The following PPP1R1C variants were observed in gnomAD, a reference collection of about 807,000 sequenced individuals.
PPP1R1C encodes protein phosphatase 1 regulatory subunit 1C.
A neutral mutation model predicts 17.4 loss-of-function variants in PPP1R1C; 15 were observed. That is an observed-to-expected ratio of 0.86 (90% CI 0.58 to 1.33). The LOEUF (loss-of-function observed/expected upper bound fraction) is 1.33. Ranked by LOEUF, PPP1R1C falls within the 40% of genes most tolerant of loss-of-function variation. PPP1R1C has a pLI of 0.00. For missense variants in PPP1R1C, 143 were observed against 130.0 expected (o/e 1.10, Z -0.48); for synonymous variants, 35 against 43.1 (o/e 0.81, Z 0.73).
downstream of PPP1R1C, among the ~76,000 whole-genome samples, chr2:182,119,340 A>T (rs1315039216): frequency 3.9e-5 from 6 of 151,984 alleles, no homozygotes; most frequent in African/African-American, 1.5e-4. Flanking sequence ...AGTCTTTGCT[A>T]TTGTGAATAG....
rs1274099337 is a variant in PPP1R1C at position 182,029,188 on chromosome 2, A to C, written c.143-32254A>C. 1.1e-3 allele frequency among the ~76,000 whole-genome samples: 160 copies of C among 148,424 alleles called. 1 individual carries two copies. Among genetic ancestry groups the C allele is most frequent in the African/African-American group, 3.5e-3 (140 of 39,732 alleles). On this transcript the variant is annotated intron_variant, in intron 2 of 4. Transcript: ENST00000682840. ...TCCAATTTGCCAGTCTGTGTCTTTTAATTGGAGCATTTAGTCCATTTACAT... is the reference window on the plus strand; with the variant it reads ...TCCAATTTGCCAGTCTGTGTCTTTTCATTGGAGCATTTAGTCCATTTACAT...
intron 1 of PPP1R1C, among the ~76,000 whole-genome samples, chr2:181,966,869 TGA>T (rs1684913722): frequency 6.6e-6 from 1 of 152,230 alleles, no homozygotes; most frequent in Non-Finnish European, 1.5e-5. Context: ...CAGAATAGTT[TGA>T]GTAGGATTGG....
At chr2:182,018,583 TG>T (rs1215667348) in intron 2 of PPP1R1C, among the ~76,000 whole-genome samples, 3 of 152,162 alleles carry the variant, frequency 2.0e-5, no homozygotes, top group Admixed American at 6.5e-5. Context: ...TTTAGGTGTG[TG>T]GGGACCAGAG....
rs531276127 is a variant in PPP1R1C, at chr2:181,976,622, A to G, written n.157+1358A>G. On this transcript the variant is annotated intron_variant and non_coding_transcript_variant, in intron 2 of 5. Coordinates refer to the PPP1R1C transcript ENST00000464264. The surrounding 1 kb of genome is among the most constrained non-coding windows in gnomAD (Gnocchi z 4.8). ...TATCTGTATATCTATATCTATATCTATATCTGTATCTATCTATTCCTCACT... is the reference window on the plus strand; with the variant it reads ...TATCTGTATATCTATATCTATATCTGTATCTGTATCTATCTATTCCTCACT... 2.8e-4 allele frequency among the ~76,000 whole-genome samples: 43 copies of G among 152,152 alleles called. No individual in the cohort carries two copies. In the South Asian group the frequency reaches 8.1e-3, roughly 29 times the overall value.
At chr2:182,039,916 C>G (rs1687130434) in intron 2 of PPP1R1C, among the ~76,000 whole-genome samples, 1 of 152,170 alleles carries the variant, frequency 6.6e-6, no homozygotes. Context: ...TAGTTTTATT[C>G]ATTCCTGAAT....
chr2:182,001,521 C>T (rs1559051626), intron 2 of PPP1R1C, among the ~76,000 whole-genome samples: 1 of 152,096 alleles, frequency 6.6e-6, no homozygotes, highest in Non-Finnish European at 1.5e-5. Context: ...CAGATAGTAA[C>T]CATCTCTGTC....
At chr2:181,969,596 G>A (rs1446138770) in intron 1 of PPP1R1C, among the ~76,000 whole-genome samples, 2 of 152,080 alleles carry the variant, frequency 1.3e-5, no homozygotes, top group Non-Finnish European at 2.9e-5. Flanking sequence ...TCTTATTTGA[G>A]TTAAATCTGC....
At chr2:181,984,609 A>T (rs1363730401), upstream of PPP1R1C, among the ~76,000 whole-genome samples, 2 of 152,228 alleles carry the variant, frequency 1.3e-5, no homozygotes, top group Non-Finnish European at 2.9e-5. Context: ...TCCCCTAGTG[A>T]ATATAGAAAA....
chr2:182,078,183 G>A (rs541397774), intron 4 of PPP1R1C, among the ~76,000 whole-genome samples: 1 of 152,128 alleles, frequency 6.6e-6, no homozygotes, highest in Non-Finnish European at 1.5e-5. Context: ...CCCCTTAGGA[G>A]AAAAATATGT....
At chr2:182,075,968 G>T (rs2125208478) in intron 4 of PPP1R1C, among the ~76,000 whole-genome samples, 2 of 151,526 alleles carry the variant, frequency 1.3e-5, no homozygotes, top group East Asian at 3.9e-4. Context: ...ATTTTTGTGT[G>T]GCAAAAATAA....
chr2:182,080,673 G>T (rs1224116891), intron 4 of PPP1R1C, among the ~76,000 whole-genome samples: 1 of 152,010 alleles, frequency 6.6e-6, no homozygotes, highest in African/African-American at 2.4e-5. Flanking sequence ...GCCTTATTTA[G>T]TGGCCCTGCA....
chr2:182,021,632 A>T (rs537058214), intron 2 of PPP1R1C, among the ~76,000 whole-genome samples: 25 of 152,232 alleles, frequency 1.6e-4, no homozygotes, highest in African/African-American at 6.0e-4. Flanking sequence ...GCCAAAAAAA[A>T]TGGTTATTTT....
intron 2 of PPP1R1C, among the ~76,000 whole-genome samples, chr2:182,019,692 G>C (rs763403257): frequency 2.0e-5 from 3 of 152,138 alleles, no homozygotes. Flanking sequence ...TAACAAATCA[G>C]TGGCAGAGCT....
chr2:181,978,871 T>C (rs1685144467), intron 2 of PPP1R1C, among the ~76,000 whole-genome samples: 3 of 152,104 alleles, frequency 2.0e-5, no homozygotes, highest in African/African-American at 7.2e-5. Context: ...CAAAAATAGA[T>C]ACCCCAATAC....
intron 4 of PPP1R1C, among the ~76,000 whole-genome samples, chr2:182,104,223 A>G (rs1689182713): frequency 6.6e-6 from 1 of 152,208 alleles, no homozygotes; most frequent in Admixed American, 6.5e-5. Flanking sequence ...TGCTCTAGCT[A>G]GGACTTCCAA....
intron 2 of PPP1R1C, among the ~76,000 whole-genome samples, chr2:182,044,314 C>T (rs1291946915): frequency 3.9e-5 from 6 of 152,118 alleles, no homozygotes; most frequent in Admixed American, 6.5e-5. Context: ...GTTTCAAATC[C>T]CTGAATCATC....
intron 2 of PPP1R1C, among the ~76,000 whole-genome samples, chr2:181,995,132 A>G (rs1403270648): frequency 6.6e-6 from 1 of 152,214 alleles, no homozygotes; most frequent in East Asian, 1.9e-4. Context: ...AATCTGACAT[A>G]TGCATTTTTG....
intron 2 of PPP1R1C, among the ~76,000 whole-genome samples, chr2:182,012,004 G>T (rs1313945728): frequency 6.6e-6 from 1 of 151,946 alleles, no homozygotes; most frequent in East Asian, 1.9e-4. Flanking sequence ...CATTTTCTTT[G>T]AATTTGTTAA....
chr2:182,046,274 T>C (rs770738064), intron 2 of PPP1R1C, among the ~76,000 whole-genome samples: 1 of 152,132 alleles, frequency 6.6e-6, no homozygotes, highest in Non-Finnish European at 1.5e-5. Context: ...TTAACCTACA[T>C]AATGCAACTT....
Sources: allele counts gnomAD v4.1 joint callset (sites outside exome capture counted in the v4.1 genomes callset), GRCh38; gene constraint gnomAD v4.1.1; non-coding constraint Gnocchi (gnomAD v3.1); transcripts MANE v1.5; gene names NCBI Gene and HGNC (gene_info 2026-07-23, HGNC 2026-07-21).